KLHL32: variants seen among roughly 807,000 people sequenced by gnomAD.
KLHL32 encodes the protein kelch-like protein 32.
In KLHL32, 35 loss-of-function variants were observed where a neutral mutation model predicts 64.8. That is an observed-to-expected ratio of 0.54 (90% CI 0.41 to 0.72). KLHL32 has a LOEUF of 0.72. KLHL32 is among the 30% of genes least tolerant of loss of function. KLHL32 has a pLI of 0.00. For synonymous variants in KLHL32, 259 were observed against 281.0 expected (o/e 0.92, Z 0.78); for missense variants, 589 against 768.5 (o/e 0.77, Z 2.76).
intron 5 of KLHL32, among the ~76,000 whole-genome samples, chr6:97,079,874 A>AT (rs1792217854): frequency 6.6e-6 from 1 of 152,172 alleles, no homozygotes; most frequent in East Asian, 1.9e-4. Context: ...GAAAAAAAAA[A>AT]GAGTAAGATT....
chr6:97,092,628 C>A (rs1794428688), intron 6 of KLHL32, among the ~76,000 whole-genome samples: 1 of 152,198 alleles, frequency 6.6e-6, no homozygotes, highest in South Asian at 2.1e-4. Flanking sequence ...GGGCCCCTAG[C>A]TGGACACAGA....
At chr6:97,053,224 G>A (rs76018218) in intron 4 of KLHL32, among the ~76,000 whole-genome samples, 4,396 of 152,194 alleles carry the variant, frequency 0.029, 192 homozygotes, top group African/African-American at 0.098. Context: ...ATGAGGCAGA[G>A]AAGATAATAA....
chr6:97,073,920 C>T (rs1264319863), intron 5 of KLHL32, among the ~76,000 whole-genome samples: 1 of 152,060 alleles, frequency 6.6e-6, no homozygotes, highest in Non-Finnish European at 1.5e-5. Flanking sequence ...GGCTACCAAC[C>T]TTTTTCCTGC....
At chr6:97,064,775 A>C (rs1157589596) in intron 5 of KLHL32, 49 bp downstream of exon 5, 4 of 1,460,988 alleles carry the variant, frequency 2.7e-6, no homozygotes, top group Non-Finnish European at 2.9e-6. Flanking sequence ...TCCTTTCCCC[A>C]CAGTCATAAG....
intron 3 of KLHL32, among the ~76,000 whole-genome samples, chr6:97,021,194 G>T (rs1415184359): frequency 2.0e-5 from 3 of 150,742 alleles, no homozygotes; most frequent in Non-Finnish European, 1.5e-5. Context: ...TTTACTTTAG[G>T]TTTAGGGGCA....
intron 1 of KLHL32, among the ~76,000 whole-genome samples, chr6:96,944,570 T>C (rs1771712706): frequency 6.6e-6 from 1 of 152,212 alleles, no homozygotes; most frequent in Non-Finnish European, 1.5e-5. Context: ...TACTTCATAG[T>C]TCAGGAAGTA....
At chr6:96,944,304 C>G (rs1329136875) in intron 1 of KLHL32, among the ~76,000 whole-genome samples, 1 of 152,134 alleles carries the variant, frequency 6.6e-6, no homozygotes, top group Non-Finnish European at 1.5e-5. Flanking sequence ...AATATTTGTT[C>G]TTGTTTTATT....
the KLHL32 span, among the ~76,000 whole-genome samples, chr6:96,915,794 T>C: frequency 2.0e-5 from 3 of 152,152 alleles, no homozygotes; most frequent in African/African-American, 7.2e-5. Flanking sequence ...CCCCAAAATA[T>C]GCCACTTTGG....
At chr6:96,983,702 G>T (rs1483400032) in intron 3 of KLHL32, among the ~76,000 whole-genome samples, 2 of 152,156 alleles carry the variant, frequency 1.3e-5, no homozygotes, top group South Asian at 2.1e-4. Context: ...ATGGTAGTTT[G>T]TATTTCTGTG....
At chr6:97,060,884 TC>T (rs1457943636) in intron 4 of KLHL32, among the ~76,000 whole-genome samples, 1 of 152,096 alleles carries the variant, frequency 6.6e-6, no homozygotes, top group African/African-American at 2.4e-5. Flanking sequence ...TCGGTTCTTA[TC>T]CCCACCAAAA....
At chr6:97,109,016 A>G (rs960167656) in intron 6 of KLHL32, among the ~76,000 whole-genome samples, 21 of 152,346 alleles carry the variant, frequency 1.4e-4, no homozygotes, top group African/African-American at 5.1e-4. Context: ...GAATACTGTT[A>G]TGAATGGAAA....
At position 97,139,317 on chromosome 6, in the gene KLHL32, G is replaced by A. The variant is rs373384225; in HGVS notation, c.*35G>A. On this transcript the variant is annotated 3_prime_UTR_variant, in exon 11 of 11. Transcript: ENST00000369261. The stretch of plus-strand genomic sequence containing the variant: ...CCATCATGAACAGGAGGAAAACATA[G>A]CTCTGACTGTTGGATACTGGGCATG... The A allele has an allele frequency of 2.6e-5, 41 of 1,572,684 alleles. No individual in the cohort carries two copies. The highest frequency in any genetic ancestry group is 9.5e-5 in the African/African-American group (7 of 73,662).
intron 6 of KLHL32, among the ~76,000 whole-genome samples, chr6:97,093,483 C>G (rs1253691278): frequency 6.6e-6 from 1 of 152,128 alleles, no homozygotes; most frequent in African/African-American, 2.4e-5. Context: ...TGAAATACAC[C>G]AACTCTTTAA....
At chr6:96,933,405 G>A (rs1770183349) in intron 1 of KLHL32, among the ~76,000 whole-genome samples, 1 of 152,164 alleles carries the variant, frequency 6.6e-6, no homozygotes, top group Non-Finnish European at 1.5e-5. Context: ...GCAGCTATTG[G>A]TGTAAGACTC....
chr6:97,056,380 C>T lies in KLHL32; in HGVS notation c.313-8248C>T, dbSNP rs1160006707. On this transcript the variant is annotated intron_variant, in intron 4 of 10. Transcript: ENST00000369261. Reference sequence around the variant, plus strand: ...TTGGCCTCCCAAAGTGCTGGGATTACAAACGTGAGCCACCAGGCCCGGCCC... The same window carrying T: ...TTGGCCTCCCAAAGTGCTGGGATTATAAACGTGAGCCACCAGGCCCGGCCC... Among the ~76,000 whole-genome samples the T allele has an allele frequency of 2.6e-5, 4 of 152,116 alleles. No homozygotes were observed. In the East Asian group the frequency reaches 7.7e-4, roughly 29 times the overall value.
intron 7 of KLHL32, among the ~76,000 whole-genome samples, chr6:97,116,878 GTTC>G (rs1469109343): frequency 6.6e-6 from 1 of 151,916 alleles, no homozygotes; most frequent in Non-Finnish European, 1.5e-5. Flanking sequence ...CATTTTCTTT[GTTC>G]TTCTTTTGCA....
chr6:96,932,376 A>G (rs1416547177), intron 1 of KLHL32, among the ~76,000 whole-genome samples: 1 of 151,990 alleles, frequency 6.6e-6, no homozygotes, highest in Non-Finnish European at 1.5e-5. Flanking sequence ...AAGATCACCT[A>G]CAGATGGGGC....
intron 3 of KLHL32, among the ~76,000 whole-genome samples, chr6:97,002,452 G>A (rs1256683493): frequency 1.3e-5 from 2 of 152,112 alleles, no homozygotes; most frequent in African/African-American, 4.8e-5. Flanking sequence ...ACTCTATGAA[G>A]AACCCATATT....
chr6:97,064,760 C>G (rs770829519), intron 5 of KLHL32, 34 bp downstream of exon 5: 3 of 1,514,410 alleles, frequency 2.0e-6, no homozygotes, highest in Non-Finnish European at 2.8e-6. Flanking sequence ...ATACACCCTT[C>G]ACATTCCTTT....
Sources: allele counts gnomAD v4.1 joint callset (sites outside exome capture counted in the v4.1 genomes callset), GRCh38; gene constraint gnomAD v4.1.1; transcripts MANE v1.5; gene names NCBI Gene and HGNC (gene_info 2026-07-23, HGNC 2026-07-21).